Variants in CC2D2B observed in about 807,000 individuals in gnomAD.
CC2D2B encodes protein CC2D2B.
CC2D2B carries 128 observed loss-of-function variants against 161.2 expected under a neutral mutation model. The ratio of observed to expected loss-of-function variants is 0.79; its 90% CI spans 0.69 to 0.92. The LOEUF (loss-of-function observed/expected upper bound fraction) is 0.92, where lower values mean the gene tolerates loss of function less well. CC2D2B is among the 40% of genes least tolerant of loss of function. The pLI is 0.00. For synonymous variants in CC2D2B, 391 were observed against 449.8 expected, an observed-to-expected ratio of 0.87 and a Z score of 1.65; for missense variants, 1,173 against 1,375.1, an observed-to-expected ratio of 0.85 and a Z score of 2.32.
At chr10:96,017,909 C>T (rs1189218804) in intron 30 of CC2D2B, among the ~76,000 whole-genome samples, 1 of 152,140 alleles carries the variant, frequency 6.6e-6, no homozygotes, top group Non-Finnish European at 1.5e-5. Context: ...TGCACTCCAA[C>T]CTGGGCAACA....
chr10:95,923,378 T>C (rs1469691038), intron 3 of CC2D2B, among the ~76,000 whole-genome samples: 1 of 152,216 alleles, frequency 6.6e-6, no homozygotes, highest in East Asian at 1.9e-4. Context: ...AAGCCTCCTT[T>C]ATACCCTCAA....
intron 33 of CC2D2B, among the ~76,000 whole-genome samples, chr10:96,026,642 G>A (rs767627445): frequency 7.2e-5 from 11 of 152,130 alleles, no homozygotes; most frequent in East Asian, 1.9e-4. Flanking sequence ...GCCTACATAC[G>A]GGTAACTGGA....
chr10:95,968,839 G>A lies in CC2D2B; in HGVS notation c.1582G>A (p.Val528Ile). The change falls in exon 15 of 35, where the codon GTC becomes ATC. Residue 528 changes from valine to isoleucine, a missense_variant. Physicochemically the swap from Val to Ile is conservative, Grantham distance 29. This residue lies in a region of CC2D2B where 277 missense variants were observed against 420.6 expected (regional missense o/e 0.66). Transcript: ENST00000646931. ...SVSPLQFDFK[V>I]MFQQIFNIQL... Reference sequence around the variant, plus strand: ...ATCTCCCCTACAGTTTGATTTTAAAGTCATGTTTCAGCAAATTTTCAATAT... The same window carrying A: ...ATCTCCCCTACAGTTTGATTTTAAAATCATGTTTCAGCAAATTTTCAATAT... 8.2e-7 allele frequency: 1 copy of A among 1,226,630 alleles called. No homozygotes were observed. 76.0% of individuals were successfully genotyped at this position (1,226,630 alleles called of 1,614,324 possible). A position where few individuals can be genotyped will look rare whatever the true frequency, so the allele number is the denominator to read the frequency against.
At chr10:95,922,199 G>A in intron 3 of CC2D2B, 123 bp downstream of exon 3, 1 of 484,676 alleles carries the variant, frequency 2.1e-6, no homozygotes, top group Non-Finnish European at 3.7e-6. Flanking sequence ...AGTTTAAAGA[G>A]AAATTAAACT....
intron 24 of CC2D2B, chr10:96,000,296 C>A: frequency 1.4e-6 from 1 of 729,602 alleles, no homozygotes; most frequent in South Asian, 6.1e-5. Context: ...ATACTTTTCT[C>A]TATTTTTCTA....
chr10:95,921,870 A>AC (rs2141161311), intron 2 of CC2D2B, 146 bp from the exon 3 acceptor site: 3 of 469,296 alleles, frequency 6.4e-6, no homozygotes, highest in East Asian at 3.7e-5. Flanking sequence ...TGGGTGCAGC[A>AC]ACCAACATGG....
At position 95,991,374 on chromosome 10, in the gene CC2D2B, G is replaced by A; in HGVS notation, c.2384G>A (p.Arg795Lys). The change falls in exon 21 of 35, where the codon AGA (arginine) becomes AAA (lysine). Residue 795 changes from arginine (R) to lysine (K), a missense_variant. Arg to Lys is a conservative substitution (Grantham distance 26). Around this residue, in one of 3 missense-constraint regions of CC2D2B, gnomAD observed 277 missense variants for 420.6 expected, o/e 0.66. Transcript: ENST00000646931. Reference protein sequence around the residue: ...INSANFLKKVRRLIMKRIVKI... With the variant: ...INSANFLKKVKRLIMKRIVKI... ...TAAATTCTAAATTTTTTTTAGGTGA[G>A]AAGGTTGATAATGAAGAGAATTGTT... 9.5e-7 allele frequency: 1 copy of A among 1,057,250 alleles called. No individual in the cohort carries two copies. The highest frequency in any genetic ancestry group is 2.3e-4 in the Middle Eastern group (1 of 4,296). 65.5% of individuals were successfully genotyped at this position (1,057,250 alleles called of 1,614,324 possible).
rs563641110 is a variant in CC2D2B at position 95,914,460 on chromosome 10, G to C, written c.36+3101G>C. 2.0e-5 allele frequency among the ~76,000 whole-genome samples: 3 copies of C among 152,172 alleles called. No individual in the cohort carries two copies. The South Asian group carries it at 6.2e-4, about 32-fold the overall frequency. On this transcript the variant is annotated intron_variant, in intron 2 of 34. Transcript: ENST00000646931. ...TAGTACAATTTGAAGTCAGTGATAT[G>C]GTTTGGCCGTGTCCCCATCCAAAAT...
At chr10:96,030,196 A>G (rs1590958575) in intron 34 of CC2D2B, among the ~76,000 whole-genome samples, 1 of 152,158 alleles carries the variant, frequency 6.6e-6, no homozygotes, top group South Asian at 2.1e-4. Context: ...TGAAGGACCA[A>G]CCGTACTTCC....
chr10:95,913,764 C>A (rs1200551046), intron 2 of CC2D2B, among the ~76,000 whole-genome samples: 1 of 152,154 alleles, frequency 6.6e-6, no homozygotes, highest in Non-Finnish European at 1.5e-5. Context: ...TGTATGTCTT[C>A]TTTTGAGAAA....
chr10:96,026,988 T>C (rs568674005), intron 33 of CC2D2B, among the ~76,000 whole-genome samples: 111 of 152,266 alleles, frequency 7.3e-4, no homozygotes, highest in African/African-American at 2.6e-3. Flanking sequence ...CCACGTGTGG[T>C]GGCAGGTGCC....
intron 2 of CC2D2B, among the ~76,000 whole-genome samples, chr10:95,918,175 T>G (rs2098520178): frequency 6.6e-6 from 1 of 152,216 alleles, no homozygotes; most frequent in Non-Finnish European, 1.5e-5. Flanking sequence ...TGTTATAATA[T>G]TCTGTATTTG....
rs75907295 is a variant in CC2D2B, at chr10:95,925,877, C to A, written c.240+1033C>A. ...AAGACCAGGAAACTGCATATCATATCATTTCCACCAAATGAATGTGGAAGA... is the reference window on the plus strand; with the variant it reads ...AAGACCAGGAAACTGCATATCATATAATTTCCACCAAATGAATGTGGAAGA... On this transcript the variant is annotated intron_variant, in intron 5 of 34. Transcript: ENST00000646931. Among the ~76,000 whole-genome samples, 59 of 152,304 alleles carry A rather than the reference C, an allele frequency of 3.9e-4. 1 individual carries two copies. The East Asian group carries it at 0.011, about 27-fold the overall frequency.
At chr10:95,976,738 C>G (rs1196261638) in intron 17 of CC2D2B, among the ~76,000 whole-genome samples, 2 of 152,306 alleles carry the variant, frequency 1.3e-5, no homozygotes, top group African/African-American at 4.8e-5. Context: ...AAGAGAGTCT[C>G]AGAAAGCTTT....
In CC2D2B at chr10:95,947,889, A is replaced by G. The variant is rs905557126; in HGVS notation, c.802-2007A>G. 3.3e-5 allele frequency among the ~76,000 whole-genome samples: 5 copies of G among 152,340 alleles called. 1 individual carries two copies. The highest frequency in any genetic ancestry group is 3.3e-4 in the Admixed American group (5 of 15,306). On this transcript the variant is annotated intron_variant, in intron 9 of 34. Coordinates refer to ENST00000646931, the MANE Select transcript of CC2D2B (RefSeq NM_001349008.3). ...ATGTACAAAAACAGGTGCTCTTCTT[A>G]TGGGAATTGCTTAGAGGGCCCAGGC...
At chr10:96,010,273 T>C (rs1241876676) in intron 26 of CC2D2B, among the ~76,000 whole-genome samples, 3 of 152,178 alleles carry the variant, frequency 2.0e-5, no homozygotes, top group Non-Finnish European at 4.4e-5. Flanking sequence ...CACTGTTTAT[T>C]GACAATGGTA....
chr10:96,029,595 CT>C (rs138499987), intron 34 of CC2D2B, among the ~76,000 whole-genome samples: 4,183 of 151,800 alleles, frequency 0.028, 94 homozygotes, highest in African/African-American at 0.053. Context: ...GCTTCAATAT[CT>C]TCTACATGCA....
intron 25 of CC2D2B, among the ~76,000 whole-genome samples, chr10:96,007,495 A>C (rs534125859): frequency 2.9e-4 from 44 of 152,260 alleles, no homozygotes; most frequent in Non-Finnish European, 4.7e-4. Context: ...ATTCCTACAA[A>C]GCTACCTAAG....
At chr10:96,027,133 A>C in intron 33 of CC2D2B, 79 bp from the exon 34 acceptor site, 3 of 1,142,992 alleles carry the variant, frequency 2.6e-6, no homozygotes, top group Non-Finnish European at 3.5e-6. Flanking sequence ...CAAAAAAAAA[A>C]AAAAGTCACA....
Sources: allele counts gnomAD v4.1 joint callset (sites outside exome capture counted in the v4.1 genomes callset), GRCh38; gene constraint gnomAD v4.1.1; regional missense constraint gnomAD v4.1.1; transcripts MANE v1.5; gene names NCBI Gene and HGNC (gene_info 2026-07-23, HGNC 2026-07-21).